The following CDC42BPB variants were observed in gnomAD, a reference collection of about 807,000 sequenced individuals.
CDC42BPB encodes serine/threonine-protein kinase MRCK beta.
Under a neutral mutation model 214.9 loss-of-function variants are expected in CDC42BPB, and 37 were observed. That is an observed-to-expected ratio of 0.17 (90% confidence interval 0.13 to 0.23). CDC42BPB has a LOEUF of 0.23. CDC42BPB is among the 10% of genes least tolerant of loss of function. The pLI is 1.00. For synonymous variants in CDC42BPB, 931 were observed against 884.0 expected (o/e 1.05, Z -0.94); for missense variants, 1,694 against 2,227.0 (o/e 0.76, Z 4.82).
At chr14:103,056,360 G>C (rs1038211146) in intron 1 of CDC42BPB, among the ~76,000 whole-genome samples, 2 of 152,192 alleles carry the variant, frequency 1.3e-5, no homozygotes, top group Non-Finnish European at 2.9e-5. Flanking sequence ...TAGGTATTCA[G>C]GCTCTGACCA....
In CDC42BPB at chr14:102,946,551, C is replaced by T; in HGVS notation, c.3665G>A (p.Arg1222Lys). 1 of 1,612,808 alleles carries T rather than the reference C, an allele frequency of 6.2e-7. No homozygotes were observed. Among genetic ancestry groups the T allele is most frequent in the Non-Finnish European group, 8.5e-7 (1 of 1,179,964 alleles). Residue 1222 changes from arginine to lysine, a missense_variant, in exon 28 of 37, where the codon AGG becomes AAG. Arg to Lys is a conservative substitution (Grantham distance 26). Around this residue, in one of 7 missense-constraint regions of CDC42BPB, gnomAD observed 567 missense variants for 790.3 expected, o/e 0.72. Coordinates refer to ENST00000361246, the MANE Select transcript of CDC42BPB (RefSeq NM_006035.4). The stretch of plus-strand genomic sequence containing the variant: ...CAAGGGAACATGCACGACCTGATTC[C>T]TCAGCCGGTTTTTATGAAGGATGGA... ...LQSILHKNRLRNQVVHVPLEA... is the reference protein window; with the variant it reads ...LQSILHKNRLKNQVVHVPLEA...
chr14:103,010,471 C>T (rs1364346166), intron 2 of CDC42BPB, among the ~76,000 whole-genome samples: 3 of 152,132 alleles, frequency 2.0e-5, no homozygotes, highest in South Asian at 2.1e-4. Flanking sequence ...GATGGTGCTG[C>T]GAGAGGGGGG....
intron 1 of CDC42BPB, among the ~76,000 whole-genome samples, chr14:103,049,474 C>G (rs1888486178): frequency 6.6e-6 from 1 of 152,250 alleles, no homozygotes; most frequent in South Asian, 2.1e-4. Context: ...TTCTCCATTA[C>G]TGGCAGCTAA....
chr14:102,939,475 G>A lies in CDC42BPB; in HGVS notation c.4827+135C>T, dbSNP rs138735717. ...AGCTTCAGCGGAGACGGGCTTGTGT[G>A]ACAGGAGCGCCAGGTCAGAGCACAG... is the stretch of plus-strand genomic sequence containing the variant. On this transcript the variant is annotated intron_variant, in intron 34 of 36. Coordinates refer to ENST00000361246, the MANE Select transcript of CDC42BPB (RefSeq NM_006035.4). 269 of 677,430 alleles carry A rather than the reference G, an allele frequency of 4.0e-4. No individual in the cohort carries two copies. In the African/African-American group the frequency reaches 4.3e-3, roughly 11 times the overall value. The allele number at this position is 677,430 out of a possible 1,614,324, so 42.0% of individuals were successfully genotyped here.
intron 1 of CDC42BPB, among the ~76,000 whole-genome samples, chr14:103,029,070 A>G (rs1247218605): frequency 6.6e-6 from 1 of 152,254 alleles, no homozygotes; most frequent in Admixed American, 6.5e-5. Context: ...GTGTTAAAAA[A>G]GAAAAAAAGG....
chr14:102,937,963 C>A (rs1891714474), intron 36 of CDC42BPB, 141 bp downstream of exon 36: 4 of 881,138 alleles, frequency 4.5e-6, no homozygotes, highest in Middle Eastern at 6.6e-4. Flanking sequence ...GCCACCCCGA[C>A]CCCTGCCCCC....
chr14:102,968,728 G>C lies in CDC42BPB; in HGVS notation c.1996-12C>G, dbSNP rs995548109. 1 of 1,612,800 alleles carries C rather than the reference G, an allele frequency of 6.2e-7. No homozygotes were observed. Among genetic ancestry groups the C allele is most frequent in the South Asian group, 1.1e-5 (1 of 91,016 alleles). ...CCTCCTTGCTTCACCTGAAGACAAA[G>C]GTTAACATAAATTGACAAACCTCTG... On this transcript the variant is annotated splice_polypyrimidine_tract_variant and intron_variant, in intron 14 of 36. Transcript: ENST00000361246.
At chr14:102,978,366 G>A in intron 8 of CDC42BPB, 161 bp from the exon 9 acceptor site, 2 of 984,144 alleles carry the variant, frequency 2.0e-6, no homozygotes, top group Non-Finnish European at 2.4e-6. Flanking sequence ...GATGAGTATA[G>A]CAGATCTGTC....
chr14:103,008,952 A>G (rs10148346), intron 2 of CDC42BPB, among the ~76,000 whole-genome samples: 12,402 of 152,286 alleles, frequency 0.081, 1,219 homozygotes, highest in African/African-American at 0.24. Context: ...GAACAATTCA[A>G]GTGCCACCTC....
intron 1 of CDC42BPB, among the ~76,000 whole-genome samples, chr14:103,052,540 C>T (rs2139789748): frequency 6.6e-6 from 1 of 152,342 alleles, no homozygotes; most frequent in East Asian, 1.9e-4. Context: ...GCCATTCCCA[C>T]ACTAACAGCT....
intron 27 of CDC42BPB, chr14:102,946,999 C>A (rs1892210354): frequency 4.9e-6 from 2 of 408,292 alleles, no homozygotes; most frequent in Middle Eastern, 1.1e-3. Context: ...AAAGTAGATT[C>A]TGAAAATGTG....
intron 36 of CDC42BPB, among the ~76,000 whole-genome samples, chr14:102,934,508 T>A (rs1891549007): frequency 6.6e-6 from 1 of 151,922 alleles, no homozygotes; most frequent in Non-Finnish European, 1.5e-5. Flanking sequence ...CACTCCAGCC[T>A]GGGCGACAGA....
chr14:103,004,168 G>T lies in CDC42BPB; in HGVS notation c.352-145C>A. 7.2e-7 allele frequency: 1 copy of T among 1,391,050 alleles called. No homozygotes were observed. The highest frequency in any genetic ancestry group is 2.9e-5 in the Admixed American group (1 of 34,724). The allele number at this position is 1,391,050 out of a possible 1,614,324, so 86.2% of individuals were successfully genotyped here. A position where few individuals can be genotyped will look rare whatever the true frequency, so the allele number is the denominator to read the frequency against. On this transcript the variant is annotated intron_variant, in intron 3 of 36. Transcript: ENST00000361246. The surrounding 1 kb of genome is among the most constrained non-coding windows in gnomAD (Gnocchi z 5.3). ...GCTCCTCCTCGTGCACCACCCCGAG[G>T]CTGCTGAGGCTGAGCCATCCCTCAT... is the stretch of plus-strand genomic sequence containing the variant.
chr14:103,056,904 G>C, intron 1 of CDC42BPB, 95 bp downstream of exon 1: 1 of 877,238 alleles, frequency 1.1e-6, no homozygotes, highest in Non-Finnish European at 1.6e-6. Flanking sequence ...GGGCGGCAGG[G>C]TCTGTCCGGG....
At chr14:103,024,432 T>A (rs1329821455) in intron 1 of CDC42BPB, among the ~76,000 whole-genome samples, 1 of 152,188 alleles carries the variant, frequency 6.6e-6, no homozygotes, top group East Asian at 1.9e-4. Context: ...CTACCCCGCA[T>A]TAAGAAGCAG....
chr14:103,040,075 C>T (rs376045060), intron 1 of CDC42BPB, among the ~76,000 whole-genome samples: 2 of 152,292 alleles, frequency 1.3e-5, no homozygotes, highest in East Asian at 1.9e-4. Context: ...GATAAAGTGG[C>T]CAGGCGCAGT....
chr14:103,039,455 ATG>A (rs985950954), intron 1 of CDC42BPB, among the ~76,000 whole-genome samples: 1 of 152,228 alleles, frequency 6.6e-6, no homozygotes, highest in Non-Finnish European at 1.5e-5. Flanking sequence ...CATCCCAGGA[ATG>A]TGAGGTTGGT....
In CDC42BPB at chr14:102,942,872, T is replaced by G. The variant is rs1181954427; in HGVS notation, c.4408+1019A>C. Among the ~76,000 whole-genome samples the G allele has an allele frequency of 3.3e-5, 5 of 149,614 alleles. No individual in the cohort carries two copies. In the Admixed American group the frequency reaches 3.3e-4, roughly 10 times the overall value. Reference sequence around the variant, plus strand: ...GGCATGTGGCACCGTGCCTGGCTAGTTTGTTTGTTTGTTTAAGACGGAGTC... The same window carrying G: ...GGCATGTGGCACCGTGCCTGGCTAGGTTGTTTGTTTGTTTAAGACGGAGTC... On this transcript the variant is annotated intron_variant, in intron 30 of 36. Coordinates refer to ENST00000361246, the MANE Select transcript of CDC42BPB (RefSeq NM_006035.4).
chr14:102,957,554 C>T (rs566862981), intron 21 of CDC42BPB, among the ~76,000 whole-genome samples: 5 of 152,316 alleles, frequency 3.3e-5, no homozygotes, highest in East Asian at 1.9e-4. Context: ...AAAGATCTGG[C>T]GGGCACTTAC....
Sources: gnomAD v4.1 joint callset for allele counts (sites outside exome capture counted in the v4.1 genomes callset) on GRCh38, gnomAD v4.1.1 for gene constraint, gnomAD v4.1.1 regional missense constraint, Gnocchi (gnomAD v3.1) non-coding constraint, MANE v1.5 for transcripts, NCBI Gene and HGNC (gene_info 2026-07-23, HGNC 2026-07-21) for gene names.